USP4: variants seen among roughly 807,000 people sequenced by gnomAD.
USP4 encodes the protein ubiquitin carboxyl-terminal hydrolase 4.
Under a neutral mutation model 118.2 loss-of-function variants are expected in USP4, and 72 were observed. The ratio of observed to expected loss-of-function variants is 0.61; its 90% CI spans 0.50 to 0.74. The LOEUF is 0.74. Among genes scored for constraint, USP4 ranks in the 30% least tolerant of loss-of-function variants. The pLI is 0.00. For synonymous variants in USP4, 415 were observed against 440.4 expected (o/e 0.94, Z 0.72); for missense variants, 1,037 against 1,185.7 (o/e 0.87, Z 1.84).
intron 6 of USP4, among the ~76,000 whole-genome samples, chr3:49,315,453 C>T (rs1326120526): frequency 6.6e-6 from 1 of 152,146 alleles, no homozygotes; most frequent in Non-Finnish European, 1.5e-5. Context: ...GACTTGTCTC[C>T]AGACCTTCAG....
At chr3:49,336,901 T>C (rs1412834128) in intron 1 of USP4, among the ~76,000 whole-genome samples, 1 of 152,158 alleles carries the variant, frequency 6.6e-6, no homozygotes, top group Non-Finnish European at 1.5e-5. Context: ...TTGCTTGACA[T>C]GAACAGCACT....
At chr3:49,317,447 T>TG in intron 6 of USP4, 4 of 826,962 alleles carry the variant, frequency 4.8e-6, no homozygotes, top group Non-Finnish European at 8.2e-6. Context: ...TGCAGCGCCA[T>TG]GCCCTGCTGG....
chr3:49,308,020 A>G (rs1247336276), intron 8 of USP4, among the ~76,000 whole-genome samples: 1 of 151,838 alleles, frequency 6.6e-6, no homozygotes, highest in African/African-American at 2.4e-5. Flanking sequence ...AAAAAAAATG[A>G]ATTTTGCTCT....
chr3:49,302,272 A>G, intron 10 of USP4, 112 bp downstream of exon 10: 1 of 1,254,002 alleles, frequency 8.0e-7, no homozygotes, highest in South Asian at 1.6e-5. Context: ...CTACAGTGAG[A>G]AGCAACCAGG....
At chr3:49,297,606 CCTT>C (rs957079774) in intron 13 of USP4, among the ~76,000 whole-genome samples, 4 of 152,096 alleles carry the variant, frequency 2.6e-5, no homozygotes, top group Non-Finnish European at 5.9e-5. Context: ...AGTGATTTGG[CCTT>C]CTTCATAGGC....
intron 2 of USP4, among the ~76,000 whole-genome samples, chr3:49,331,319 C>A (rs1279340972): frequency 6.8e-6 from 1 of 146,952 alleles, no homozygotes; most frequent in African/African-American, 2.5e-5. Flanking sequence ...AACTCCGACT[C>A]AAAAAAAAAA....
intron 1 of USP4, among the ~76,000 whole-genome samples, chr3:49,336,048 G>C (rs1418965167): frequency 6.6e-6 from 1 of 151,568 alleles, no homozygotes; most frequent in Non-Finnish European, 1.5e-5. Flanking sequence ...ATTTTTAGTA[G>C]AGACGGGGTT....
intron 20 of USP4, among the ~76,000 whole-genome samples, chr3:49,279,976 C>T (rs1173714261): frequency 6.6e-6 from 1 of 152,104 alleles, no homozygotes; most frequent in African/African-American, 2.4e-5. Context: ...TAAAAATGAA[C>T]ACAGGCAGGG....
Position 49,325,759 on chromosome 3 carries a change from G to C in USP4, c.447C>G (p.Thr149=). The change falls in exon 4 of 22, where the codon ACC becomes ACG. Residue 149 remains threonine (T), a synonymous_variant. Coordinates refer to ENST00000265560, the MANE Select transcript of USP4 (RefSeq NM_003363.4). ...TGCTGAAATGGCAACTCAGCACATT[G>C]GTGGGGTCACTGTTCTCACAGAGCT... ...ELKLCENSDP[T]NVLSCHFSKA... The C allele has an allele frequency of 6.2e-7, 1 of 1,613,936 alleles. No individual in the cohort carries two copies. The highest frequency in any genetic ancestry group is 1.3e-5 in the African/African-American group (1 of 75,014).
At position 49,339,916 on chromosome 3, in the gene USP4, G is replaced by T; in HGVS notation, c.101+8C>A. 1.9e-6 allele frequency: 3 copies of T among 1,611,052 alleles called. No individual in the cohort carries two copies. Among genetic ancestry groups the T allele is most frequent in the Non-Finnish European group, 2.5e-6 (3 of 1,178,564 alleles). On this transcript the variant is annotated splice_region_variant and intron_variant, in intron 1 of 21. Coordinates refer to ENST00000265560, the MANE Select transcript of USP4 (RefSeq NM_003363.4). ...TCTGCATAGAGGAAGAGCGAGCCGGGAGCTCACCACTGCGCCCCGCGTTGG... is the reference window on the plus strand; with the variant it reads ...TCTGCATAGAGGAAGAGCGAGCCGGTAGCTCACCACTGCGCCCCGCGTTGG...
chr3:49,295,714 G>GCGCGCGCGCACACACACACACACACACA (rs149459963), intron 13 of USP4, among the ~76,000 whole-genome samples: 12 of 148,406 alleles, frequency 8.1e-5, no homozygotes, highest in African/African-American at 3.1e-4. Flanking sequence ...GCGCGCGCGC[G>GCGCGCGCGCACACACACACACACACACA]CACACACACA....
At chr3:49,321,197 G>C (rs1353622326) in intron 6 of USP4, among the ~76,000 whole-genome samples, 1 of 152,192 alleles carries the variant, frequency 6.6e-6, no homozygotes, top group Non-Finnish European at 1.5e-5. Flanking sequence ...CTGCCAGCAA[G>C]CCTTTCCTAA....
rs750956022 is a variant in USP4, at chr3:49,281,476, G to GTGTA, written c.2541-630_2541-629insTACA. Among the ~76,000 whole-genome samples the GTGTA allele has an allele frequency of 6.9e-3, 728 of 105,932 alleles. 13 individuals carry two copies. The highest frequency in any genetic ancestry group is 0.017 in the African/African-American group (508 of 30,726). The allele number at this position is 105,932 out of a possible 152,430, so 69.5% of individuals were successfully genotyped here. On this transcript the variant is annotated intron_variant, in intron 19 of 21. Transcript: ENST00000265560. Reference sequence around the variant, plus strand: ...GTCTCAAAAAAGAAAAAAAGTATGTGTATATATATATATATACACACACAC... The same window carrying GTGTA: ...GTCTCAAAAAAGAAAAAAAGTATGTGTGTATATATATATATATATACACACACAC...
intron 6 of USP4, chr3:49,317,163 G>T: frequency 6.9e-7 from 1 of 1,447,442 alleles, no homozygotes; most frequent in Non-Finnish European, 9.7e-7. Flanking sequence ...TCAGGACACT[G>T]AGCAAAGTCT....
chr3:49,281,483 TATATATATAC>T lies in USP4; in HGVS notation c.2541-646_2541-637del, dbSNP rs1238366735. Among the ~76,000 whole-genome samples the T allele has an allele frequency of 1.9e-3, 199 of 103,666 alleles. 3 individuals are homozygous for T. Among genetic ancestry groups the T allele is most frequent in the Admixed American group, 3.8e-3 (29 of 7,570 alleles). 68.0% of individuals were successfully genotyped at this position (103,666 alleles called of 152,430 possible). On this transcript the variant is annotated intron_variant, in intron 19 of 21. Coordinates refer to ENST00000265560, the MANE Select transcript of USP4 (RefSeq NM_003363.4). ...AAAAGAAAAAAAGTATGTGTATATA[TATATATATAC>T]ACACACACACACACACACACACACA...
At chr3:49,334,176 T>C (rs2047646879) in intron 2 of USP4, among the ~76,000 whole-genome samples, 2 of 152,224 alleles carry the variant, frequency 1.3e-5, no homozygotes, top group African/African-American at 4.8e-5. Flanking sequence ...AAGGCAGCGT[T>C]GCCAAATACC....
chr3:49,295,380 T>C (rs2047193966), intron 13 of USP4, among the ~76,000 whole-genome samples: 1 of 150,728 alleles, frequency 6.6e-6, no homozygotes, highest in Admixed American at 6.6e-5. Context: ...CCTAGGATAT[T>C]AGCCAAACTC....
chr3:49,306,022 AC>A, intron 8 of USP4, 134 bp from the exon 9 acceptor site: 1 of 875,880 alleles, frequency 1.1e-6, no homozygotes, highest in Non-Finnish European at 1.6e-6. Flanking sequence ...CTGAAGGCTC[AC>A]GACAGTAAAG....
At chr3:49,282,779 C>T (rs962639780) in intron 19 of USP4, among the ~76,000 whole-genome samples, 8 of 151,732 alleles carry the variant, frequency 5.3e-5, no homozygotes, top group African/African-American at 1.9e-4. Context: ...ACAATCTTGG[C>T]TCACTGCAAC....
Sources: gnomAD v4.1 joint callset for allele counts (sites outside exome capture counted in the v4.1 genomes callset) on GRCh38, gnomAD v4.1.1 for gene constraint, MANE v1.5 for transcripts, NCBI Gene and HGNC (gene_info 2026-07-23, HGNC 2026-07-21) for gene names.